Variants in ECHDC3 observed in about 807,000 individuals in gnomAD.
ECHDC3 encodes the protein enoyl-CoA hydratase domain-containing protein 3, mitochondrial.
ECHDC3 carries 20 observed loss-of-function variants against 17.9 expected under a neutral mutation model. The ratio of observed to expected loss-of-function variants is 1.12; its 90% CI spans 0.79 to 1.63. The LOEUF (loss-of-function observed/expected upper bound fraction) is 1.63, where lower values mean the gene tolerates loss of function less well. ECHDC3 is among the 40% of genes most tolerant of loss of function. The probability of loss-of-function intolerance (pLI) is 0.00; values close to 1 mark genes in which losing one functional copy is unlikely to be tolerated. For missense variants in ECHDC3, 407 were observed against 357.7 expected (o/e 1.14, Z -1.11); for synonymous variants, 177 against 149.7 (o/e 1.18, Z -1.33).
intron 4 of ECHDC3, 97 bp downstream of exon 4, chr10:11,755,705 C>A: frequency 1.7e-6 from 2 of 1,194,934 alleles, no homozygotes; most frequent in Non-Finnish European, 2.3e-6. Context: ...GTTAAAAGTG[C>A]CTTTCATATC....
intron 3 of ECHDC3, among the ~76,000 whole-genome samples, chr10:11,755,069 T>A (rs1279082816): frequency 6.6e-6 from 1 of 152,170 alleles, no homozygotes; most frequent in Non-Finnish European, 1.5e-5. Context: ...GCCTGTAATC[T>A]GAGCACTTTG....
intron 1 of ECHDC3, among the ~76,000 whole-genome samples, chr10:11,745,855 A>G (rs184822017): frequency 6.6e-6 from 1 of 152,302 alleles, no homozygotes; most frequent in East Asian, 1.9e-4. Flanking sequence ...AATACAGGTT[A>G]TTTTATTCAG....
chr10:11,755,566 T>C lies in ECHDC3; in HGVS notation c.549T>C (p.Cys183=). The C allele has an allele frequency of 6.2e-7, 1 of 1,613,984 alleles. No homozygotes were observed. The highest frequency in any genetic ancestry group is 1.1e-5 in the South Asian group (1 of 91,036). Residue 183 remains cysteine, a synonymous_variant, in exon 4 of 5, where the codon TGT becomes TGC. Coordinates refer to ENST00000379215, the MANE Select transcript of ECHDC3 (RefSeq NM_024693.5). ...CTGGGGTGAACGTCGGGCTCTTCTGTTCTACCCCTGGGGTTGCCTTGGCAA... is the reference window on the plus strand; with the variant it reads ...CTGGGGTGAACGTCGGGCTCTTCTGCTCTACCCCTGGGGTTGCCTTGGCAA... ...ATPGVNVGLF[C]STPGVALARA...
intron 1 of ECHDC3, among the ~76,000 whole-genome samples, chr10:11,743,690 AG>A (rs1340108065): frequency 6.6e-6 from 1 of 152,214 alleles, no homozygotes; most frequent in Admixed American, 6.5e-5. Context: ...GGGTTTGGAA[AG>A]GGGATGGTTC....
intron 4 of ECHDC3, among the ~76,000 whole-genome samples, chr10:11,760,364 C>T (rs537273614): frequency 8.5e-5 from 13 of 152,348 alleles, no homozygotes; most frequent in African/African-American, 1.2e-4. Context: ...TTTGGAATTC[C>T]GTGCAGTTCT....
At chr10:11,758,400 T>A (rs955350551) in intron 4 of ECHDC3, among the ~76,000 whole-genome samples, 23 of 152,128 alleles carry the variant, frequency 1.5e-4, no homozygotes, top group Admixed American at 1.3e-4. Context: ...AAGCCCTTCC[T>A]CCCAGAACAG....
Position 11,763,767 on chromosome 10 carries a change from G to T in ECHDC3, c.*223G>T. ...CCTCAGTGCAAGGCTGGTGAACCCTGCAGCGGGCCAGCTATGGTGGGAAGC... is the reference window on the plus strand; with the variant it reads ...CCTCAGTGCAAGGCTGGTGAACCCTTCAGCGGGCCAGCTATGGTGGGAAGC... On this transcript the variant is annotated 3_prime_UTR_variant, in exon 5 of 5. Transcript: ENST00000379215. This position sits in a 1 kb window ranked among gnomAD's most constrained non-coding sequence, Gnocchi z 4.9. The T allele has an allele frequency of 7.5e-7, 1 of 1,334,606 alleles. No individual in the cohort carries two copies. Among genetic ancestry groups the T allele is most frequent in the Non-Finnish European group, 9.6e-7 (1 of 1,044,106 alleles). 82.7% of individuals were successfully genotyped at this position (1,334,606 alleles called of 1,614,324 possible).
intron 1 of ECHDC3, among the ~76,000 whole-genome samples, chr10:11,744,935 G>A (rs769859291): frequency 9.2e-5 from 14 of 152,208 alleles, no homozygotes; most frequent in Non-Finnish European, 1.8e-4. Flanking sequence ...CATCGGTGAA[G>A]TTGCCTGGGA....
At position 11,742,699 on chromosome 10, in the gene ECHDC3, G is replaced by A. The variant is rs540691785; in HGVS notation, c.123G>A (p.Arg41=). 4 of 1,242,202 alleles carry A rather than the reference G, an allele frequency of 3.2e-6. 1 individual carries two copies. The African/African-American group carries it at 6.2e-5, about 19-fold the overall frequency. 76.9% of individuals were successfully genotyped at this position (1,242,202 alleles called of 1,614,324 possible). A position where few individuals can be genotyped will look rare whatever the true frequency, so the allele number is the denominator to read the frequency against. ...CSRDPAGAGR[R]ESEPRPTSAR... ...GGGACCCGGCCGGGGCGGGGCGGCG[G>A]GAGTCGGAGCCGCGGCCCACCAGCG... The change falls in exon 1 of 5, where the codon CGG becomes CGA. Residue 41 remains arginine (R), a synonymous_variant. Coordinates refer to ENST00000379215, the MANE Select transcript of ECHDC3 (RefSeq NM_024693.5).
intron 3 of ECHDC3, among the ~76,000 whole-genome samples, chr10:11,751,483 C>T (rs1296279044): frequency 6.6e-6 from 1 of 152,144 alleles, no homozygotes; most frequent in African/African-American, 2.4e-5. Context: ...TTTCCATTTC[C>T]AAGTGAAATC....
chr10:11,760,787 G>C (rs565943717), intron 4 of ECHDC3, among the ~76,000 whole-genome samples: 8 of 152,328 alleles, frequency 5.3e-5, no homozygotes, highest in Non-Finnish European at 1.0e-4. Flanking sequence ...TCCTGGCCCC[G>C]TGCTGTGACC....
At position 11,742,697 on chromosome 10, in the gene ECHDC3, C is replaced by T; in HGVS notation, c.121C>T (p.Arg41Trp). 3.2e-6 allele frequency: 4 copies of T among 1,242,264 alleles called. No homozygotes were observed. Among genetic ancestry groups the T allele is most frequent in the Non-Finnish European group, 4.0e-6 (4 of 994,332 alleles). 77.0% of individuals were successfully genotyped at this position (1,242,264 alleles called of 1,614,324 possible). Residue 41 changes from arginine to tryptophan, a missense_variant, in exon 1 of 5, where the codon CGG (arginine) becomes TGG (tryptophan). Transcript: ENST00000379215. ...CSRDPAGAGRRESEPRPTSAR... is the reference protein window; with the variant it reads ...CSRDPAGAGRWESEPRPTSAR... Reference sequence around the variant, plus strand: ...CCGGGACCCGGCCGGGGCGGGGCGGCGGGAGTCGGAGCCGCGGCCCACCAG... The same window carrying T: ...CCGGGACCCGGCCGGGGCGGGGCGGTGGGAGTCGGAGCCGCGGCCCACCAG...
intron 4 of ECHDC3, among the ~76,000 whole-genome samples, chr10:11,759,213 G>C (rs572145405): frequency 6.6e-6 from 1 of 152,232 alleles, no homozygotes; most frequent in East Asian, 1.9e-4. Flanking sequence ...AATTAGCTGA[G>C]TATGGTGGCG....
In ECHDC3 at chr10:11,742,656, C is replaced by A; in HGVS notation, c.80C>A (p.Pro27His). The change falls in exon 1 of 5, where the codon CCC (proline) becomes CAC (histidine). Residue 27 changes from proline (P) to histidine (H), a missense_variant. Coordinates refer to ENST00000379215, the MANE Select transcript of ECHDC3 (RefSeq NM_024693.5). ...CGGCGCGGCCCCTGGGCCCAGCTCC[C>A]CGCCCGCTTCTGCAGCCGGGACCCG... ...CLRRGPWAQL[P>H]ARFCSRDPAG... The A allele has an allele frequency of 8.0e-7, 1 of 1,250,972 alleles. No homozygotes were observed. The highest frequency in any genetic ancestry group is 3.2e-5 in the South Asian group (1 of 31,556). 77.5% of individuals were successfully genotyped at this position (1,250,972 alleles called of 1,614,324 possible). A position where few individuals can be genotyped will look rare whatever the true frequency, so the allele number is the denominator to read the frequency against.
At chr10:11,743,017 G>T in intron 1 of ECHDC3, 1 of 323,672 alleles carries the variant, frequency 3.1e-6, no homozygotes, top group African/African-American at 2.2e-5. Context: ...CTGGAGAGGA[G>T]GGCTCTGGGC....
rs762482907 is a variant in ECHDC3, at chr10:11,763,195, C to A, written c.592-29C>A. On this transcript the variant is annotated intron_variant, in intron 4 of 4. Transcript: ENST00000379215. This position sits in a 1 kb window ranked among gnomAD's most constrained non-coding sequence, Gnocchi z 4.9. ...GGCGGGGGCGGGTCACAGGAGAGCA[C>A]CTCAGTGACATCCCGTGTCTCCCCG... The A allele has an allele frequency of 2.7e-6, 2 of 744,798 alleles. No individual in the cohort carries two copies. The highest frequency in any genetic ancestry group is 5.0e-6 in the Non-Finnish European group (2 of 401,764). 46.1% of individuals were successfully genotyped at this position (744,798 alleles called of 1,614,324 possible).
intron 1 of ECHDC3, among the ~76,000 whole-genome samples, chr10:11,746,091 G>C (rs1476187505): frequency 6.6e-6 from 1 of 152,154 alleles, no homozygotes; most frequent in Non-Finnish European, 1.5e-5. Context: ...ACTTTGGGAG[G>C]CTGAGGCGGG....
At chr10:11,748,982 C>G (rs111335230) in intron 2 of ECHDC3, among the ~76,000 whole-genome samples, 442 of 152,332 alleles carry the variant, frequency 2.9e-3, no homozygotes, top group Middle Eastern at 6.8e-3. Context: ...GTGATAGCAG[C>G]CACATCTTAT....
chr10:11,759,732 A>G (rs1419106692), intron 4 of ECHDC3, among the ~76,000 whole-genome samples: 2 of 152,172 alleles, frequency 1.3e-5, no homozygotes, highest in African/African-American at 2.4e-5. Context: ...CCCCCGTTCC[A>G]AGGCTGGGGT....
Sources: gnomAD v4.1 joint callset for allele counts (sites outside exome capture counted in the v4.1 genomes callset) on GRCh38, gnomAD v4.1.1 for gene constraint, Gnocchi (gnomAD v3.1) non-coding constraint, MANE v1.5 for transcripts, NCBI Gene and HGNC (gene_info 2026-07-23, HGNC 2026-07-21) for gene names.